Variants in TSPAN14 observed in about 807,000 individuals in gnomAD.
TSPAN14 encodes tetraspanin-14.
In TSPAN14, 16 loss-of-function variants were observed where a neutral mutation model predicts 36.6. The observed-to-expected ratio is 0.44, with a 90% CI of 0.30 to 0.66. The LOEUF is 0.66. Ranked by LOEUF, TSPAN14 falls within the 30% of genes least tolerant of loss-of-function variation. The pLI, the probability that TSPAN14 is intolerant of heterozygous loss-of-function variation, is 0.12. For missense variants in TSPAN14, 231 were observed against 355.1 expected (o/e 0.65, Z 2.81); for synonymous variants, 139 against 143.8 (o/e 0.97, Z 0.24).
chr10:80,467,373 C>G (rs1309822724), intron 1 of TSPAN14, among the ~76,000 whole-genome samples: 1 of 152,092 alleles, frequency 6.6e-6, no homozygotes, highest in African/African-American at 2.4e-5. Context: ...AAGTCACCAT[C>G]GAGGCAGCTC....
intron 3 of TSPAN14, among the ~76,000 whole-genome samples, chr10:80,505,815 C>T (rs1257923504): frequency 6.6e-6 from 1 of 152,230 alleles, no homozygotes; most frequent in Non-Finnish European, 1.5e-5. Context: ...CTGGCTACTA[C>T]AATTCCTTTG....
chr10:80,520,697 T>G lies in TSPAN14; in HGVS notation c.*2721T>G, dbSNP rs778553417. On this transcript the variant is annotated 3_prime_UTR_variant, in exon 9 of 9. Transcript: ENST00000429989. Reference sequence around the variant, plus strand: ...AACTTGCCGAGGCCCTATGGCTCCCTCCCTTTCTTTCCCAGGCAGCTTCTT... The same window carrying G: ...AACTTGCCGAGGCCCTATGGCTCCCGCCCTTTCTTTCCCAGGCAGCTTCTT... 5.4e-5 allele frequency: 29 copies of G among 533,330 alleles called. No homozygotes were observed. In the African/African-American group the frequency reaches 5.6e-4, roughly 10 times the overall value. 33.0% of individuals were successfully genotyped at this position (533,330 alleles called of 1,614,324 possible).
intron 1 of TSPAN14, among the ~76,000 whole-genome samples, chr10:80,454,581 C>T (rs916329838): frequency 2.6e-5 from 4 of 151,816 alleles, no homozygotes; most frequent in African/African-American, 9.7e-5. Context: ...TGGAGGCCTC[C>T]GCCGGGACCC....
chr10:80,497,789 GC>G (rs1392607721), intron 2 of TSPAN14, among the ~76,000 whole-genome samples: 2 of 152,170 alleles, frequency 1.3e-5, no homozygotes, highest in African/African-American at 4.8e-5. Flanking sequence ...TGCCCCTGGA[GC>G]CCTCTGCACA....
At position 80,490,285 on chromosome 10, in the gene TSPAN14, A is replaced by T. The variant is rs187409934; in HGVS notation, c.81+971A>T. ...TCCTTTGTCGTTGACTGTCCTGGAG[A>T]TGGAAGTCTTGGCCAACCACCATCA... On this transcript the variant is annotated intron_variant, in intron 2 of 8. Transcript: ENST00000429989. Among the ~76,000 whole-genome samples, 87 of 152,114 alleles carry T rather than the reference A, an allele frequency of 5.7e-4. 1 individual carries two copies. Among genetic ancestry groups the T allele is most frequent in the African/African-American group, 2.1e-3 (86 of 41,474 alleles).
At chr10:80,463,478 C>T (rs920728551) in intron 1 of TSPAN14, among the ~76,000 whole-genome samples, 2 of 152,190 alleles carry the variant, frequency 1.3e-5, no homozygotes, top group Admixed American at 1.3e-4. Flanking sequence ...TTTATTACCC[C>T]AGTGGTATAC....
At chr10:80,476,568 A>G (rs1846920725) in intron 1 of TSPAN14, among the ~76,000 whole-genome samples, 1 of 151,784 alleles carries the variant, frequency 6.6e-6, no homozygotes, top group Non-Finnish European at 1.5e-5. Flanking sequence ...GGCACCCGCT[A>G]CCACACCCGG....
At chr10:80,466,475 C>G (rs1392691489) in intron 1 of TSPAN14, 1 of 152,154 alleles carries the variant, frequency 6.6e-6, no homozygotes, top group Non-Finnish European at 1.5e-5. Context: ...TGGCTGGTCT[C>G]GAACTCATCT....
chr10:80,458,381 G>GATTT (rs1845824942), intron 1 of TSPAN14, among the ~76,000 whole-genome samples: 1 of 152,210 alleles, frequency 6.6e-6, no homozygotes, highest in East Asian at 1.9e-4. Context: ...CAGCCACACT[G>GATTT]TGGCTCTTGA....
intron 1 of TSPAN14, among the ~76,000 whole-genome samples, chr10:80,488,825 T>A (rs1376607342): frequency 6.6e-6 from 1 of 152,202 alleles, no homozygotes; most frequent in Admixed American, 6.5e-5. Flanking sequence ...TCCTGGGCTG[T>A]CATTGCTCTC....
At chr10:80,500,796 T>C (rs1848469844) in intron 2 of TSPAN14, among the ~76,000 whole-genome samples, 1 of 152,140 alleles carries the variant, frequency 6.6e-6, no homozygotes. Context: ...CTGTGGGCCA[T>C]ATGCAGAGCG....
At chr10:80,497,138 CTTG>C (rs1399417855) in intron 2 of TSPAN14, among the ~76,000 whole-genome samples, 1 of 152,070 alleles carries the variant, frequency 6.6e-6, no homozygotes, top group East Asian at 1.9e-4. Flanking sequence ...ATCATTTATT[CTTG>C]TTGTGTAATA....
intron 1 of TSPAN14, among the ~76,000 whole-genome samples, chr10:80,483,681 G>T (rs969207370): frequency 3.3e-5 from 5 of 151,926 alleles, no homozygotes; most frequent in Admixed American, 3.3e-4. Context: ...GGCTGAGATG[G>T]GCAGATCACC....
chr10:80,476,045 A>C (rs921271385), intron 1 of TSPAN14, among the ~76,000 whole-genome samples: 3 of 152,168 alleles, frequency 2.0e-5, no homozygotes, highest in African/African-American at 7.2e-5. Flanking sequence ...TAAACTTTGA[A>C]CCATCTCCAG....
chr10:80,493,189 C>G (rs557632292), intron 2 of TSPAN14, among the ~76,000 whole-genome samples: 5 of 152,294 alleles, frequency 3.3e-5, no homozygotes, highest in African/African-American at 1.2e-4. Flanking sequence ...AAATGCAAAT[C>G]AAAACCACAA....
At chr10:80,499,931 A>G (rs1459925405) in intron 2 of TSPAN14, among the ~76,000 whole-genome samples, 1 of 152,124 alleles carries the variant, frequency 6.6e-6, no homozygotes, top group Non-Finnish European at 1.5e-5. Flanking sequence ...AGGTCACTTG[A>G]GGCTGGAGGG....
At chr10:80,512,080 C>T (rs573494220) in intron 5 of TSPAN14, 64 bp from the exon 6 acceptor site, 24 of 1,609,404 alleles carry the variant, frequency 1.5e-5, no homozygotes, top group Non-Finnish European at 2.0e-5. Context: ...TGAATGATGC[C>T]CTATGCTGGG....
At chr10:80,514,932 AG>A (rs994379498) in intron 7 of TSPAN14, among the ~76,000 whole-genome samples, 1 of 152,196 alleles carries the variant, frequency 6.6e-6, no homozygotes. Flanking sequence ...GTGAAGACAC[AG>A]TGAGAGGGTG....
chr10:80,484,145 T>G (rs992815660), intron 1 of TSPAN14, among the ~76,000 whole-genome samples: 1 of 150,964 alleles, frequency 6.6e-6, no homozygotes, highest in Non-Finnish European at 1.5e-5. Context: ...CTCCAGAGGC[T>G]GAGGCTAGAG....
Sources: allele counts gnomAD v4.1 joint callset (sites outside exome capture counted in the v4.1 genomes callset), GRCh38; gene constraint gnomAD v4.1.1; transcripts MANE v1.5; gene names NCBI Gene and HGNC (gene_info 2026-07-23, HGNC 2026-07-21).